The following IFNAR1 variants were observed in gnomAD, a reference collection of about 807,000 sequenced individuals.
IFNAR1 encodes interferon alpha and beta receptor subunit 1, also known as interferon alpha/beta receptor 1.
IFNAR1 carries 47 observed loss-of-function variants against 62.1 expected under a neutral mutation model. The ratio of observed to expected loss-of-function variants is 0.76; its 90% CI spans 0.60 to 0.97. The LOEUF (loss-of-function observed/expected upper bound fraction) is 0.97, where lower values mean the gene tolerates loss of function less well. IFNAR1 is among the 50% of genes least tolerant of loss of function. The pLI, the probability that IFNAR1 is intolerant of heterozygous loss-of-function variation, is 0.00. For missense variants in IFNAR1, 638 were observed against 654.5 expected, an observed-to-expected ratio of 0.97 and a Z score of 0.27; for synonymous variants, 219 against 226.9, an observed-to-expected ratio of 0.97 and a Z score of 0.31.
intron 10 of IFNAR1, among the ~76,000 whole-genome samples, chr21:33,354,399 T>TAA (rs766661936): frequency 5.1e-4 from 78 of 152,322 alleles, no homozygotes; most frequent in African/African-American, 1.8e-3. Context: ...GTCCCAAACT[T>TAA]ACGCTGTTTC....
chr21:33,331,993 C>T (rs553297222), intron 1 of IFNAR1, among the ~76,000 whole-genome samples: 2 of 152,288 alleles, frequency 1.3e-5, no homozygotes, highest in African/African-American at 4.8e-5. Flanking sequence ...AGCAAACCCA[C>T]CTCAGCAACC....
In IFNAR1 at chr21:33,349,202, A is replaced by C; in HGVS notation, c.900A>C (p.Lys300Asn). 1 of 1,613,710 alleles carries C rather than the reference A, an allele frequency of 6.2e-7. No homozygotes were observed. The highest frequency in any genetic ancestry group is 8.5e-7 in the Non-Finnish European group (1 of 1,179,726). Residue 300 changes from lysine to asparagine, a missense_variant, in exon 7 of 11, where the codon AAA (lysine) becomes AAC (asparagine). Transcript: ENST00000270139. ...TCTTTCCTCAAAACGTTTTCCAAAA[A>C]GGAATTTACCTTCTCCGCGTACAAG... ...QCVFPQNVFQ[K>N]GIYLLRVQAS...
intron 1 of IFNAR1, among the ~76,000 whole-genome samples, chr21:33,331,216 C>T (rs953519329): frequency 6.6e-6 from 1 of 152,224 alleles, no homozygotes; most frequent in Non-Finnish European, 1.5e-5. Flanking sequence ...GAAGCAGTAT[C>T]CTATTTCCTG....
intron 6 of IFNAR1, among the ~76,000 whole-genome samples, chr21:33,348,455 G>A (rs1050395944): frequency 3.3e-5 from 5 of 152,108 alleles, no homozygotes; most frequent in Non-Finnish European, 7.4e-5. Flanking sequence ...ATTAGGACAA[G>A]ATGAATTTAT....
intron 1 of IFNAR1, among the ~76,000 whole-genome samples, chr21:33,327,805 GACATATCAAT>G (rs756341995): frequency 1.3e-5 from 2 of 152,164 alleles, no homozygotes; most frequent in Admixed American, 6.5e-5. Context: ...ATTTTAGGGA[GACATATCAAT>G]CAGTACATCT....
intron 6 of IFNAR1, among the ~76,000 whole-genome samples, chr21:33,347,349 C>T (rs17875823): frequency 0.04 from 6,024 of 152,182 alleles, 424 homozygotes; most frequent in African/African-American, 0.14. Flanking sequence ...AGGCTGGTCT[C>T]GAACTCCTGA....
chr21:33,334,737 T>C, intron 1 of IFNAR1: 1 of 796,410 alleles, frequency 1.3e-6, no homozygotes, highest in Non-Finnish European at 2.2e-6. Context: ...ATGCGCAGGG[T>C]GATCCAGGTG....
intron 2 of IFNAR1, among the ~76,000 whole-genome samples, chr21:33,337,138 G>A (rs1326157518): frequency 6.6e-6 from 1 of 151,826 alleles, no homozygotes; most frequent in Non-Finnish European, 1.5e-5. Flanking sequence ...CAGAAGAATC[G>A]CTTGAACCCA....
intron 5 of IFNAR1, among the ~76,000 whole-genome samples, 183 bp downstream of exon 5, chr21:33,343,859 C>T (rs2083318544): frequency 6.6e-6 from 1 of 152,210 alleles, no homozygotes; most frequent in Admixed American, 6.5e-5. Context: ...AAAATTAATT[C>T]TACTTAAAAG....
rs115308469 is a variant in IFNAR1, at chr21:33,345,727, A to G, written c.788+367A>G. On this transcript the variant is annotated intron_variant, in intron 6 of 10. Transcript: ENST00000270139. Reference sequence around the variant, plus strand: ...CTTTTTCTAAGAACTCACTTCTTCCATGAGTCCTTAAAATGATCTCAGTCC... The same window carrying G: ...CTTTTTCTAAGAACTCACTTCTTCCGTGAGTCCTTAAAATGATCTCAGTCC... Among the ~76,000 whole-genome samples, 1,085 of 152,376 alleles carry G rather than the reference A, an allele frequency of 7.1e-3. 14 individuals are homozygous for G. The highest frequency in any genetic ancestry group is 0.025 in the African/African-American group (1,027 of 41,586).
chr21:33,344,130 C>T (rs2083321625), intron 5 of IFNAR1, among the ~76,000 whole-genome samples: 1 of 151,156 alleles, frequency 6.6e-6, no homozygotes, highest in African/African-American at 2.4e-5. Flanking sequence ...CAGTCGGGAG[C>T]AAGGGGGACA....
chr21:33,324,862 C>G (rs2083107639), upstream of IFNAR1: 1 of 551,182 alleles, frequency 1.8e-6, no homozygotes, highest in Admixed American at 3.1e-5. Flanking sequence ...AAGGCGCGTG[C>G]GTGGAGGAAC....
upstream of IFNAR1, chr21:33,324,584 G>GTATCATTAAAA: frequency 6.4e-6 from 1 of 157,028 alleles, no homozygotes; most frequent in Admixed American, 6.4e-5. Context: ...CGCGCCCTCC[G>GTATCATTAAAA]ACTGCAGACA....
intron 1 of IFNAR1, chr21:33,335,105 T>A: frequency 1.3e-6 from 1 of 750,856 alleles, no homozygotes; most frequent in East Asian, 2.6e-5. Flanking sequence ...CCTTATTTAT[T>A]TGGACGTAAC....
At chr21:33,345,440 C>G in intron 6 of IFNAR1, 80 bp downstream of exon 6, 4 of 784,728 alleles carry the variant, frequency 5.1e-6, no homozygotes, top group Non-Finnish European at 9.0e-6. Context: ...GTCACCAGGT[C>G]CTTGCACACA....
intron 2 of IFNAR1, 59 bp from the exon 3 acceptor site, chr21:33,340,940 A>G: frequency 9.4e-7 from 1 of 1,062,442 alleles, no homozygotes; most frequent in African/African-American, 1.6e-5. Flanking sequence ...AATAGAAAGT[A>G]TTTGACACTT....
intron 6 of IFNAR1, among the ~76,000 whole-genome samples, chr21:33,346,818 T>C (rs979829642): frequency 1.1e-4 from 16 of 152,188 alleles, no homozygotes; most frequent in African/African-American, 3.9e-4. Context: ...AGATAAGGTA[T>C]GAACAAGGCC....
Position 33,355,637 on chromosome 21 carries a change from G to A in IFNAR1, c.*88G>A. ...CCTCACCTTCCTCTCAGTAACTACA[G>A]AGAGGACGTTTCCCTGTTTAGGGAA... On this transcript the variant is annotated 3_prime_UTR_variant, in exon 11 of 11. Coordinates refer to ENST00000270139, the MANE Select transcript of IFNAR1 (RefSeq NM_000629.3). 1.5e-6 allele frequency: 1 copy of A among 646,630 alleles called. No homozygotes were observed. 40.1% of individuals were successfully genotyped at this position (646,630 alleles called of 1,614,324 possible).
chr21:33,359,541 T>C lies in IFNAR1; in HGVS notation c.*3992T>C, dbSNP rs938662980. On this transcript the variant is annotated 3_prime_UTR_variant, in exon 11 of 11. Coordinates refer to ENST00000270139, the MANE Select transcript of IFNAR1 (RefSeq NM_000629.3). ...AGACATGGCTGGAGCTCAGTCTTCATTGAATGAAGTTTGCTGTGGTATTGC... is the reference window on the plus strand; with the variant it reads ...AGACATGGCTGGAGCTCAGTCTTCACTGAATGAAGTTTGCTGTGGTATTGC... The C allele has an allele frequency of 3.3e-5, 5 of 152,210 alleles. No individual in the cohort carries two copies. The highest frequency in any genetic ancestry group is 1.2e-4 in the African/African-American group (5 of 41,454). The allele number at this position is 152,210 out of a possible 1,614,324, so 9.4% of individuals were successfully genotyped here.
Sources: gnomAD v4.1 joint callset for allele counts (sites outside exome capture counted in the v4.1 genomes callset) on GRCh38, gnomAD v4.1.1 for gene constraint, MANE v1.5 for transcripts, NCBI Gene and HGNC (gene_info 2026-07-23, HGNC 2026-07-21) for gene names.